Variants in CNKSR3 observed in about 807,000 individuals in gnomAD.
CNKSR3 encodes CNKSR family member 3.
CNKSR3 carries 36 observed loss-of-function variants against 67.7 expected under a neutral mutation model. That is an observed-to-expected ratio of 0.53 (90% confidence interval 0.41 to 0.70). The LOEUF (loss-of-function observed/expected upper bound fraction) is 0.70. Among genes scored for constraint, CNKSR3 ranks in the 30% least tolerant of loss-of-function variants. The pLI, the probability that CNKSR3 is intolerant of heterozygous loss-of-function variation, is 0.00. For missense variants in CNKSR3, 630 were observed against 695.2 expected (o/e 0.91, Z 1.05); for synonymous variants, 281 against 271.4 (o/e 1.04, Z -0.35).
At chr6:154,418,162 C>T (rs931446656) in intron 9 of CNKSR3, among the ~76,000 whole-genome samples, 4 of 152,210 alleles carry the variant, frequency 2.6e-5, no homozygotes, top group African/African-American at 4.8e-5. Flanking sequence ...GGAGCTGCCT[C>T]GCCCGAGCAG....
chr6:154,508,240 G>A (rs936677845), intron 1 of CNKSR3, among the ~76,000 whole-genome samples: 3 of 152,170 alleles, frequency 2.0e-5, no homozygotes, highest in Admixed American at 6.5e-5. Flanking sequence ...GCTTATTTTA[G>A]TAATATATTT....
intron 5 of CNKSR3, among the ~76,000 whole-genome samples, chr6:154,433,251 G>A (rs6899868): frequency 0.48 from 72,555 of 151,960 alleles, 17,901 homozygotes; most frequent in Non-Finnish European, 0.55. Flanking sequence ...ACAGAGACTC[G>A]ATGTAGTTAA....
intron 1 of CNKSR3, among the ~76,000 whole-genome samples, chr6:154,508,185 A>C (rs1459687464): frequency 6.6e-6 from 1 of 152,206 alleles, no homozygotes; most frequent in African/African-American, 2.4e-5. Context: ...GTTATTTTAG[A>C]TTTTCTAGGA....
At chr6:154,410,827 A>T in intron 11 of CNKSR3, 107 bp downstream of exon 11, 1 of 817,456 alleles carries the variant, frequency 1.2e-6, no homozygotes, top group Non-Finnish European at 2.0e-6. Context: ...TTTTCCTCAG[A>T]TTACTCTTGA....
rs186029375 is a variant in CNKSR3 at position 154,506,630 on chromosome 6, C to T, written c.52+3433G>A. ...ACACCATGTGCCAGGCCATACCCTACGCCATGTGCTACGAATGGCTGAACA... is the reference window on the plus strand; with the variant it reads ...ACACCATGTGCCAGGCCATACCCTATGCCATGTGCTACGAATGGCTGAACA... On this transcript the variant is annotated intron_variant, in intron 1 of 12. Coordinates refer to ENST00000607772, the MANE Select transcript of CNKSR3 (RefSeq NM_173515.4). 3.3e-5 allele frequency among the ~76,000 whole-genome samples: 5 copies of T among 152,358 alleles called. No individual in the cohort carries two copies. The East Asian group carries it at 5.8e-4, about 18-fold the overall frequency.
chr6:154,470,187 CCTTTT>C (rs1786295276), intron 1 of CNKSR3, among the ~76,000 whole-genome samples: 4 of 80,874 alleles, frequency 4.9e-5, no homozygotes, highest in African/African-American at 1.1e-4. Flanking sequence ...TACTTTCTTT[CCTTTT>C]TTTTTTTTTT....
chr6:154,451,155 G>A (rs909035287), intron 1 of CNKSR3, among the ~76,000 whole-genome samples: 5 of 152,070 alleles, frequency 3.3e-5, no homozygotes, highest in African/African-American at 1.2e-4. Context: ...AATTTTTCCA[G>A]GTCAAACACT....
At chr6:154,462,417 T>G (rs575218966) in intron 1 of CNKSR3, among the ~76,000 whole-genome samples, 1 of 152,316 alleles carries the variant, frequency 6.6e-6, no homozygotes, top group Admixed American at 6.5e-5. Context: ...TCATACAGTA[T>G]GTGGTTTTGT....
chr6:154,475,469 T>A (rs905209054), intron 1 of CNKSR3, among the ~76,000 whole-genome samples: 1 of 152,184 alleles, frequency 6.6e-6, no homozygotes, highest in Non-Finnish European at 1.5e-5. Flanking sequence ...CTGCGGCCCT[T>A]GCTGTCCTCC....
chr6:154,447,254 T>C (rs1785726114), intron 2 of CNKSR3, among the ~76,000 whole-genome samples: 1 of 152,202 alleles, frequency 6.6e-6, no homozygotes, highest in Non-Finnish European at 1.5e-5. Context: ...TCGTAGCCAC[T>C]AGCCACATGG....
At chr6:154,438,947 A>AT (rs1021151816) in intron 4 of CNKSR3, among the ~76,000 whole-genome samples, 2 of 152,138 alleles carry the variant, frequency 1.3e-5, no homozygotes, top group Non-Finnish European at 1.5e-5. Flanking sequence ...CTATGGGAAG[A>AT]TTTTTTTATT....
At position 154,400,635 on chromosome 6, in the gene CNKSR3, T is replaced by C. The variant is rs1784706253; in HGVS notation, c.*5719A>G. ...GACAAACTTTTGAGTATAAAAAATT[T>C]GTCTTTTACATACACAAATGCACAC... On this transcript the variant is annotated 3_prime_UTR_variant, in exon 13 of 13. Transcript: ENST00000607772. 1 of 152,204 alleles carries C rather than the reference T, an allele frequency of 6.6e-6. No individual in the cohort carries two copies. The highest frequency in any genetic ancestry group is 6.5e-5 in the Admixed American group (1 of 15,290). 9.4% of individuals were successfully genotyped at this position (152,204 alleles called of 1,614,324 possible).
In CNKSR3 at chr6:154,462,080, A is replaced by G. The variant is rs1172839338; in HGVS notation, c.53-11822T>C. Among the ~76,000 whole-genome samples the G allele has an allele frequency of 2.0e-5, 3 of 152,220 alleles. No individual in the cohort carries two copies. The East Asian group carries it at 5.8e-4, about 29-fold the overall frequency. ...AAATGTTTTAATAGCAGCTTTATTG[A>G]GACATAATACATATACCATACAATT... On this transcript the variant is annotated intron_variant, in intron 1 of 12. Coordinates refer to ENST00000607772, the MANE Select transcript of CNKSR3 (RefSeq NM_173515.4).
At chr6:154,487,002 A>AG (rs1233777099) in intron 1 of CNKSR3, among the ~76,000 whole-genome samples, 1 of 150,250 alleles carries the variant, frequency 6.7e-6, no homozygotes, top group Non-Finnish European at 1.5e-5. Context: ...GCAGGTGGTG[A>AG]GGGGGTTCAA....
At chr6:154,456,707 CAAAAAAAAAAAAA>C (rs10536163) in intron 1 of CNKSR3, among the ~76,000 whole-genome samples, 112 of 45,408 alleles carry the variant, frequency 2.5e-3, no homozygotes, top group African/African-American at 8.7e-3. Flanking sequence ...AACTCTGTCT[CAAAAAAAAAAAAA>C]AAAAAAAAAA....
In CNKSR3 at chr6:154,389,546, T is replaced by C. The variant is rs925384074; in HGVS notation, c.*16808A>G. On this transcript the variant is annotated 3_prime_UTR_variant, in exon 13 of 13. Transcript: ENST00000607772. ...TGTGATGCCTCTATCTTTGTTCTTC[T>C]TTCTCAAGATTGATATGGCTATTCA... The C allele has an allele frequency of 6.6e-6, 1 of 152,250 alleles. No individual in the cohort carries two copies. The highest frequency in any genetic ancestry group is 1.5e-5 in the Non-Finnish European group (1 of 68,046). 9.4% of individuals were successfully genotyped at this position (152,250 alleles called of 1,614,324 possible).
chr6:154,414,360 C>T lies in CNKSR3; in HGVS notation c.1009G>A (p.Glu337Lys). 1.2e-6 allele frequency: 2 copies of T among 1,612,168 alleles called. No homozygotes were observed. The highest frequency in any genetic ancestry group is 1.7e-6 in the Non-Finnish European group (2 of 1,179,312). Reference sequence around the variant, plus strand: ...TAAAGATCCAGGATGGCTGACTTCTCCTTCTTCAGTGAGGTATCCATAGTG... The same window carrying T: ...TAAAGATCCAGGATGGCTGACTTCTTCTTCTTCAGTGAGGTATCCATAGTG... ...ESTMDTSLKK[E>K]KSAILDLYIP... The change falls in exon 10 of 13, where the codon GAG (glutamate) becomes AAG (lysine). Residue 337 changes from glutamate (E) to lysine (K), a missense_variant. Transcript: ENST00000607772.
intron 1 of CNKSR3, among the ~76,000 whole-genome samples, chr6:154,467,829 G>A (rs371441343): frequency 1.1e-4 from 17 of 151,468 alleles, no homozygotes; most frequent in Non-Finnish European, 2.1e-4. Context: ...GTGCAATTTC[G>A]GCTCACTGCA....
intron 1 of CNKSR3, among the ~76,000 whole-genome samples, chr6:154,501,895 A>G (rs1407241760): frequency 6.6e-6 from 1 of 152,224 alleles, no homozygotes; most frequent in East Asian, 1.9e-4. Flanking sequence ...CAAGGAAACA[A>G]TGAGAAGACC....
Sources: allele counts gnomAD v4.1 joint callset (sites outside exome capture counted in the v4.1 genomes callset), GRCh38; gene constraint gnomAD v4.1.1; transcripts MANE v1.5; gene names NCBI Gene and HGNC (gene_info 2026-07-23, HGNC 2026-07-21).